FER: variants seen among roughly 807,000 people sequenced by gnomAD.
FER encodes the protein FER tyrosine kinase.
Under a neutral mutation model 111.0 loss-of-function variants are expected in FER, and 63 were observed. The ratio of observed to expected loss-of-function variants is 0.57; its 90% CI spans 0.46 to 0.70. FER has a LOEUF of 0.70. FER is among the 30% of genes least tolerant of loss of function. The pLI is 0.00. For missense variants in FER, 914 were observed against 954.0 expected (o/e 0.96, Z 0.55); for synonymous variants, 327 against 313.9 (o/e 1.04, Z -0.44).
chr5:108,801,690 A>G (rs1756666443), intron 3 of FER, among the ~76,000 whole-genome samples: 1 of 152,194 alleles, frequency 6.6e-6, no homozygotes, highest in African/African-American at 2.4e-5. Context: ...GCATGGATAG[A>G]AGATTCATTC....
intron 17 of FER, among the ~76,000 whole-genome samples, chr5:109,173,109 T>C (rs561346173): frequency 1.0e-3 from 155 of 152,340 alleles, no homozygotes; most frequent in African/African-American, 3.7e-3. Context: ...TCTGCACTTG[T>C]AAATGTCCAA....
intron 2 of FER, among the ~76,000 whole-genome samples, chr5:108,780,502 G>A (rs1753944347): frequency 6.6e-6 from 1 of 151,482 alleles, no homozygotes. Context: ...CTCTTTGATA[G>A]GTAATGTCTT....
At chr5:108,827,093 A>G (rs1469631642) in intron 3 of FER, among the ~76,000 whole-genome samples, 2 of 152,352 alleles carry the variant, frequency 1.3e-5, no homozygotes, top group East Asian at 1.9e-4. Context: ...TATGACAACC[A>G]TGGACTCCAT....
At chr5:108,931,978 G>A (rs1277130377) in intron 10 of FER, among the ~76,000 whole-genome samples, 1 of 151,894 alleles carries the variant, frequency 6.6e-6, no homozygotes, top group Non-Finnish European at 1.5e-5. Flanking sequence ...GTGTGTGTGT[G>A]TGTGTTTCAT....
At chr5:109,124,182 G>T (rs1368027574) in intron 17 of FER, among the ~76,000 whole-genome samples, 2 of 152,176 alleles carry the variant, frequency 1.3e-5, no homozygotes, top group African/African-American at 4.8e-5. Context: ...TGCCATGATT[G>T]TGCCACTGCA....
chr5:109,083,794 G>C (rs1777257577), intron 16 of FER, among the ~76,000 whole-genome samples: 1 of 151,964 alleles, frequency 6.6e-6, no homozygotes, highest in African/African-American at 2.4e-5. Context: ...ACTGCCTGCT[G>C]TAAAATGGCA....
chr5:109,055,869 C>CA (rs1773581424), intron 16 of FER, among the ~76,000 whole-genome samples: 1 of 139,262 alleles, frequency 7.2e-6, no homozygotes, highest in African/African-American at 2.6e-5. Context: ...AAAAAAAACC[C>CA]AAAAAACAAA....
chr5:108,872,855 C>T (rs995004278), intron 8 of FER, among the ~76,000 whole-genome samples: 1 of 152,144 alleles, frequency 6.6e-6, no homozygotes, highest in Non-Finnish European at 1.5e-5. Flanking sequence ...GGGAGCAACA[C>T]AAGGAAATAT....
rs1330009011 is a variant in FER at position 108,813,835 on chromosome 5, T to C, written c.207+15446T>C. Reference sequence around the variant, plus strand: ...TTCCTTTCTTGCCAATATTTAAATTTAAATTATGCCTGTGTACCATTCCTT... The same window carrying C: ...TTCCTTTCTTGCCAATATTTAAATTCAAATTATGCCTGTGTACCATTCCTT... On this transcript the variant is annotated intron_variant, in intron 3 of 19. Coordinates refer to ENST00000281092, the MANE Select transcript of FER (RefSeq NM_005246.4). Among the ~76,000 whole-genome samples, 6 of 152,144 alleles carry C rather than the reference T, an allele frequency of 3.9e-5. 1 individual carries two copies. The highest frequency in any genetic ancestry group is 2.0e-4 in the Admixed American group (3 of 15,266).
intron 11 of FER, among the ~76,000 whole-genome samples, chr5:108,947,063 A>T (rs909192273): frequency 6.6e-6 from 1 of 152,024 alleles, no homozygotes; most frequent in East Asian, 1.9e-4. Context: ...TCCATTGTAT[A>T]TATTTACCAC....
At chr5:108,776,851 A>G (rs899336747) in intron 2 of FER, among the ~76,000 whole-genome samples, 5 of 152,210 alleles carry the variant, frequency 3.3e-5, no homozygotes, top group Non-Finnish European at 5.9e-5. Context: ...TAAATGGTCA[A>G]TACTTTGTAG....
Position 109,193,807 on chromosome 5 carries a change from T to C in FER, c.*6232T>C, listed in dbSNP as rs375413776. The C allele has an allele frequency of 7.2e-5, 11 of 152,270 alleles. No individual in the cohort carries two copies. Among genetic ancestry groups the C allele is most frequent in the African/African-American group, 1.9e-4 (8 of 41,548 alleles). 9.4% of individuals were successfully genotyped at this position (152,270 alleles called of 1,614,324 possible). On this transcript the variant is annotated 3_prime_UTR_variant, in exon 20 of 20. Transcript: ENST00000281092. Reference sequence around the variant, plus strand: ...GTTGTAATTGGTTTCAATCAAAGTTTCTCCTCAGGTACTTGGGGGCCCCTA... The same window carrying C: ...GTTGTAATTGGTTTCAATCAAAGTTCCTCCTCAGGTACTTGGGGGCCCCTA...
chr5:108,849,549 C>T (rs10052531), intron 5 of FER, among the ~76,000 whole-genome samples: 33,851 of 151,818 alleles, frequency 0.22, 3,946 homozygotes, highest in African/African-American at 0.28. Context: ...ATTTGGGTCT[C>T]TTCTTAAACC....
At chr5:108,908,542 A>G (rs1251163344) in intron 10 of FER, among the ~76,000 whole-genome samples, 1 of 152,136 alleles carries the variant, frequency 6.6e-6, no homozygotes, top group Non-Finnish European at 1.5e-5. Context: ...AACCTGAAAA[A>G]AGTCATTCCA....
At chr5:109,148,373 G>A (rs1582259222) in intron 17 of FER, among the ~76,000 whole-genome samples, 1 of 152,100 alleles carries the variant, frequency 6.6e-6, no homozygotes, top group Non-Finnish European at 1.5e-5. Flanking sequence ...GAAAAAGGCT[G>A]TCAGGGAAGG....
intron 3 of FER, among the ~76,000 whole-genome samples, chr5:108,816,504 C>G (rs184075608): frequency 1.3e-5 from 2 of 152,144 alleles, no homozygotes; most frequent in Admixed American, 1.3e-4. Context: ...TGCTTCTTAA[C>G]GTTTAATATG....
In FER at chr5:108,822,769, T is replaced by TTTATG. The variant is rs1460425502; in HGVS notation, c.208-9997_208-9996insGTTAT. Among the ~76,000 whole-genome samples the TTTATG allele has an allele frequency of 1.8e-3, 180 of 101,780 alleles. 1 individual carries two copies. The highest frequency in any genetic ancestry group is 5.6e-3 in the African/African-American group (154 of 27,450). 66.8% of individuals were successfully genotyped at this position (101,780 alleles called of 152,430 possible). A position where few individuals can be genotyped will look rare whatever the true frequency, so the allele number is the denominator to read the frequency against. ...TTTTATTTTATTTTATTTTATTTAT[T>TTTATG]TTATTTTATGTTATTTTATGTTATT... On this transcript the variant is annotated intron_variant, in intron 3 of 19. Coordinates refer to ENST00000281092, the MANE Select transcript of FER (RefSeq NM_005246.4).
chr5:108,825,030 A>G (rs1759305350), intron 3 of FER, among the ~76,000 whole-genome samples: 2 of 152,266 alleles, frequency 1.3e-5, no homozygotes, highest in South Asian at 2.1e-4. Context: ...GTGACAGACA[A>G]AAAGTACTTA....
At position 109,147,800 on chromosome 5, in the gene FER, T is replaced by TATATAG. The variant is rs1487827199; in HGVS notation, c.2049-32946_2049-32945insTATAGA. Among the ~76,000 whole-genome samples, 956 of 118,518 alleles carry TATATAG rather than the reference T, an allele frequency of 8.1e-3. 8 individuals carry two copies. Among genetic ancestry groups the TATATAG allele is most frequent in the Non-Finnish European group, 0.01 (580 of 55,308 alleles). 77.8% of individuals were successfully genotyped at this position (118,518 alleles called of 152,430 possible). On this transcript the variant is annotated intron_variant, in intron 17 of 19. Transcript: ENST00000281092. Reference sequence around the variant, plus strand: ...ACATACATATATATATATATATATATAGAGAGAGAGAGAGAGAGAGAGAGA... The same window carrying TATATAG: ...ACATACATATATATATATATATATATATATAGAGAGAGAGAGAGAGAGAGAGAGAGA...
Sources: gnomAD v4.1 joint callset for allele counts (sites outside exome capture counted in the v4.1 genomes callset) on GRCh38, gnomAD v4.1.1 for gene constraint, MANE v1.5 for transcripts, NCBI Gene and HGNC (gene_info 2026-07-23, HGNC 2026-07-21) for gene names.